Variants in KIF15 observed in about 807,000 individuals in gnomAD.
KIF15 encodes kinesin family member 15.
A neutral mutation model predicts 190.6 loss-of-function variants in KIF15; 140 were observed. That is an observed-to-expected ratio of 0.73 (90% CI 0.64 to 0.84). KIF15 has a LOEUF of 0.84. Among genes scored for constraint, KIF15 ranks in the 40% least tolerant of loss-of-function variants. The pLI, the probability that KIF15 is intolerant of heterozygous loss-of-function variation, is 0.00. For missense variants in KIF15, 1,372 were observed against 1,584.4 expected (o/e 0.87, Z 2.28); for synonymous variants, 528 against 551.3 (o/e 0.96, Z 0.59).
At chr3:44,799,004 A>C (rs1308026670) in intron 10 of KIF15, among the ~76,000 whole-genome samples, 6 of 152,208 alleles carry the variant, frequency 3.9e-5, no homozygotes, top group African/African-American at 1.4e-4. Flanking sequence ...AGAAGACTAT[A>C]GATCTAGTCA....
rs1006644574 is a variant in KIF15 at position 44,840,989 on chromosome 3, T to C, written c.3421-85T>C. ...ATGCCCAGCCGTAGCTAGAATATTT[T>C]TTATGTACTTGACATTTACGTTTAA... On this transcript the variant is annotated intron_variant, in intron 28 of 34. Coordinates refer to ENST00000326047, the MANE Select transcript of KIF15 (RefSeq NM_020242.3). The C allele has an allele frequency of 7.7e-6, 10 of 1,298,762 alleles. No homozygotes were observed. In the Admixed American group the frequency reaches 2.1e-4, roughly 28 times the overall value. 80.5% of individuals were successfully genotyped at this position (1,298,762 alleles called of 1,614,324 possible). A position where few individuals can be genotyped will look rare whatever the true frequency, so the allele number is the denominator to read the frequency against.
chr3:44,820,842 G>T, intron 20 of KIF15, among the ~76,000 whole-genome samples: 1 of 152,182 alleles, frequency 6.6e-6, no homozygotes, highest in East Asian at 1.9e-4. Flanking sequence ...TGTCATCATG[G>T]CCCGTTCTCA....
chr3:44,768,776 CCAAT>C (rs1370833165), intron 1 of KIF15, among the ~76,000 whole-genome samples: 1 of 152,116 alleles, frequency 6.6e-6, no homozygotes, highest in African/African-American at 2.4e-5. Context: ...CCCTAAGAGG[CCAAT>C]CTAAAGGTTC....
chr3:44,780,067 CTTTTTTTTTTTTT>C (rs757687365), intron 4 of KIF15, among the ~76,000 whole-genome samples: 1 of 123,104 alleles, frequency 8.1e-6, no homozygotes, highest in Admixed American at 8.7e-5. Flanking sequence ...TAAAATACAA[CTTTTTTTTTTTTT>C]TTTTTTTTTA....
At chr3:44,762,373 T>C (rs946815709) in intron 1 of KIF15, among the ~76,000 whole-genome samples, 17 of 152,240 alleles carry the variant, frequency 1.1e-4, no homozygotes, top group Non-Finnish European at 2.5e-4. Flanking sequence ...AACACAGATG[T>C]CAGCAATGTC....
At chr3:44,808,918 T>C (rs779512057) in intron 16 of KIF15, among the ~76,000 whole-genome samples, 18 of 152,234 alleles carry the variant, frequency 1.2e-4, no homozygotes, top group South Asian at 2.1e-4. Flanking sequence ...TATTAACTGG[T>C]ACCTACCTCA....
At chr3:44,777,965 T>G (rs1345378187) in intron 3 of KIF15, 150 bp from the exon 4 acceptor site, 2 of 652,968 alleles carry the variant, frequency 3.1e-6, no homozygotes, top group Non-Finnish European at 5.6e-6. Flanking sequence ...ATGTGTAAAG[T>G]TGAATCATCT....
intron 6 of KIF15, among the ~76,000 whole-genome samples, chr3:44,858,989 C>G (rs1251901471): frequency 1.3e-5 from 2 of 152,312 alleles, no homozygotes; most frequent in East Asian, 3.9e-4. Context: ...TCAGAGAGCC[C>G]CGGGCCAGAG....
chr3:44,809,306 T>G (rs1034495184), intron 16 of KIF15, among the ~76,000 whole-genome samples: 1 of 152,236 alleles, frequency 6.6e-6, no homozygotes, highest in Non-Finnish European at 1.5e-5. Flanking sequence ...TTCTTCAGAT[T>G]TTGTTTTTAT....
downstream of KIF15, among the ~76,000 whole-genome samples, chr3:44,856,804 C>T (rs372579517): frequency 5.9e-5 from 9 of 152,182 alleles, no homozygotes; most frequent in East Asian, 5.8e-4. Flanking sequence ...AGGACCCTTG[C>T]GTAGTGAGGA....
At chr3:44,828,525 C>T (rs1697800776) in intron 24 of KIF15, among the ~76,000 whole-genome samples, 1 of 152,146 alleles carries the variant, frequency 6.6e-6, no homozygotes, top group South Asian at 2.1e-4. Context: ...CTTTGGATGG[C>T]AGTGTTTCTA....
At chr3:44,794,466 C>G in intron 8 of KIF15, 40 bp downstream of exon 8, 1 of 1,458,778 alleles carries the variant, frequency 6.9e-7, no homozygotes, top group South Asian at 1.3e-5. Flanking sequence ...TGTGTGAGTT[C>G]TTACTAGCAG....
downstream of KIF15, among the ~76,000 whole-genome samples, chr3:44,856,639 G>A (rs1462129873): frequency 6.6e-6 from 1 of 152,158 alleles, no homozygotes; most frequent in Admixed American, 6.5e-5. Flanking sequence ...AAGTTGGAAG[G>A]CTAGGTGCTT....
chr3:44,810,193 ACTCCCATACCCCTATGTATT>A (rs1707725848), intron 16 of KIF15, among the ~76,000 whole-genome samples: 1 of 152,126 alleles, frequency 6.6e-6, no homozygotes, highest in Non-Finnish European at 1.5e-5. Flanking sequence ...TAATGACCAT[ACTCCCATACCCCTATGTATT>A]TTTATATCAG....
chr3:44,841,408 T>C (rs1214554883), intron 29 of KIF15, among the ~76,000 whole-genome samples, 170 bp downstream of exon 29: 1 of 151,694 alleles, frequency 6.6e-6, no homozygotes, highest in Non-Finnish European at 1.5e-5. Context: ...TTTTTTTGTT[T>C]TTTTTTTGAG....
intron 26 of KIF15, among the ~76,000 whole-genome samples, chr3:44,833,733 G>A (rs1250234520): frequency 6.6e-6 from 1 of 152,164 alleles, no homozygotes; most frequent in East Asian, 1.9e-4. Context: ...GGGGGCCGCT[G>A]GCATAAGGTG....
At chr3:44,817,301 A>G (rs1708072758) in intron 20 of KIF15, among the ~76,000 whole-genome samples, 1 of 152,172 alleles carries the variant, frequency 6.6e-6, no homozygotes, top group African/African-American at 2.4e-5. Context: ...TGTTTTACTC[A>G]TGAAGTCTTT....
chr3:44,768,390 A>G (rs1380653016), intron 1 of KIF15, among the ~76,000 whole-genome samples: 1 of 152,204 alleles, frequency 6.6e-6, no homozygotes, highest in African/African-American at 2.4e-5. Context: ...ACGCGGACAC[A>G]TCGAAAGATG....
chr3:44,821,871 C>T (rs183235577), intron 20 of KIF15, among the ~76,000 whole-genome samples: 2,838 of 151,972 alleles, frequency 0.019, 73 homozygotes, highest in African/African-American at 0.063. Context: ...TCTGCAATCC[C>T]GGCACCTCGG....
Sources: gnomAD v4.1 joint callset for allele counts (sites outside exome capture counted in the v4.1 genomes callset) on GRCh38, gnomAD v4.1.1 for gene constraint, MANE v1.5 for transcripts, NCBI Gene and HGNC (gene_info 2026-07-23, HGNC 2026-07-21) for gene names.